The following MIEF1 variants were observed in gnomAD, a reference collection of about 807,000 sequenced individuals.
MIEF1 encodes mitochondrial dynamics protein MIEF1.
A neutral mutation model predicts 35.1 loss-of-function variants in MIEF1; 14 were observed. The observed-to-expected ratio is 0.40, with a 90% CI of 0.26 to 0.62. The LOEUF (loss-of-function observed/expected upper bound fraction) is 0.62, where lower values mean the gene tolerates loss of function less well. Among genes scored for constraint, MIEF1 ranks in the 20% least tolerant of loss-of-function variants. MIEF1 has a pLI of 0.43. For missense variants in MIEF1, 542 were observed against 615.4 expected (o/e 0.88, Z 1.26); for synonymous variants, 245 against 254.3 (o/e 0.96, Z 0.35).
In MIEF1 at chr22:39,514,030, C is replaced by T. The variant is rs1930521349; in HGVS notation, c.1099C>T (p.Leu367Phe). 2 of 1,613,700 alleles carry T rather than the reference C, an allele frequency of 1.2e-6. No individual in the cohort carries two copies. Among genetic ancestry groups the T allele is most frequent in the Non-Finnish European group, 1.7e-6 (2 of 1,180,054 alleles). ...CTGCCGATCTCTGTGCCTCAAGATC[C>T]TCAAGGCCATATGCAAGTCCACCCC... is the stretch of plus-strand genomic sequence containing the variant. Reference protein sequence around the residue: ...SGCRSLCLKILKAICKSTPAL... With the variant: ...SGCRSLCLKIFKAICKSTPAL... Residue 367 changes from leucine (L) to phenylalanine (F), a missense_variant, in exon 6 of 6, where the codon CTC becomes TTC. By Grantham distance (22) the Leu-to-Phe change is conservative (BLOSUM62 0). Transcript: ENST00000325301.
In MIEF1 at chr22:39,517,971, C is replaced by CT. The variant is rs199694733; in HGVS notation, c.*3651dup. Reference sequence around the variant, plus strand: ...GGTAGATTTGGAATCAGTCACCAGTCTTTCTGTACTGTCTTGGTTAGCTCT... The same window carrying CT: ...GGTAGATTTGGAATCAGTCACCAGTCTTTTCTGTACTGTCTTGGTTAGCTCT... On this transcript the variant is annotated 3_prime_UTR_variant, in exon 6 of 6. Transcript: ENST00000325301. The CT allele has an allele frequency of 0.05, 10,214 of 203,038 alleles. 387 individuals are homozygous for CT. Among genetic ancestry groups the CT allele is most frequent in the Non-Finnish European group, 0.074 (7,183 of 97,654 alleles). 12.6% of individuals were successfully genotyped at this position (203,038 alleles called of 1,614,324 possible). A position where few individuals can be genotyped will look rare whatever the true frequency, so the allele number is the denominator to read the frequency against.
Position 39,514,392 on chromosome 22 carries a change from C to T in MIEF1, c.*69C>T, listed in dbSNP as rs912033199. ...TTCTCCGTTAGATACACTTGGCTAC[C>T]TAGTTGGTGCCTCACAGGGTTCCTG... On this transcript the variant is annotated 3_prime_UTR_variant, in exon 6 of 6. Transcript: ENST00000325301. 1.3e-6 allele frequency: 2 copies of T among 1,509,142 alleles called. No homozygotes were observed. Among genetic ancestry groups the T allele is most frequent in the African/African-American group, 2.7e-5 (2 of 72,958 alleles). The allele number at this position is 1,509,142 out of a possible 1,614,324, so 93.5% of individuals were successfully genotyped here.
Position 39,504,300 on chromosome 22 carries a change from C to T in MIEF1, c.-242C>T, listed in dbSNP as rs544482793. Reference sequence around the variant, plus strand: ...TCTGTTGCGCCAGGGCCGACAGCTTCGCTACACTGATCGAGACTTCTACTT... The same window carrying T: ...TCTGTTGCGCCAGGGCCGACAGCTTTGCTACACTGATCGAGACTTCTACTT... On this transcript the variant is annotated 5_prime_UTR_variant, in exon 2 of 6. Coordinates refer to ENST00000325301, the MANE Select transcript of MIEF1 (RefSeq NM_019008.6). The T allele has an allele frequency of 6.3e-5, 25 of 399,094 alleles. No homozygotes were observed. In the South Asian group the frequency reaches 2.5e-3, roughly 41 times the overall value. The allele number at this position is 399,094 out of a possible 1,614,324, so 24.7% of individuals were successfully genotyped here. A position where few individuals can be genotyped will look rare whatever the true frequency, so the allele number is the denominator to read the frequency against.
rs1930758051 is a variant in MIEF1, at chr22:39,517,834, AC to A, written c.*3513del. 1.1e-5 allele frequency: 3 copies of A among 284,356 alleles called. No homozygotes were observed. Among genetic ancestry groups the A allele is most frequent in the South Asian group, 3.0e-5 (1 of 33,454 alleles). The allele number at this position is 284,356 out of a possible 1,614,324, so 17.6% of individuals were successfully genotyped here. On this transcript the variant is annotated 3_prime_UTR_variant, in exon 6 of 6. Transcript: ENST00000325301. ...ATGGTCAAATGCACAGTAGGTGTTT[AC>A]CTTTACATTTGGATCACCTTGTAGT...
At position 39,512,345 on chromosome 22, in the gene MIEF1, C is replaced by T. The variant is rs778124994; in HGVS notation, c.436C>T (p.Arg146Trp). Residue 146 changes from arginine to tryptophan, a missense_variant, in exon 5 of 6, where the codon CGG becomes TGG. By Grantham distance (101) the Arg-to-Trp change is moderately radical. Coordinates refer to ENST00000325301, the MANE Select transcript of MIEF1 (RefSeq NM_019008.6). ...GAAACTTCTTACTTACTACCGGAAC[C>T]GGGCAGCCATCCCTGCTGGAGAGCA... ...QEKLLTYYRN[R>W]AAIPAGEQAR... 2.2e-5 allele frequency: 35 copies of T among 1,614,130 alleles called. No homozygotes were observed. The highest frequency in any genetic ancestry group is 8.9e-5 in the East Asian group (4 of 44,896).
At chr22:39,509,003 T>C (rs1268762124) in intron 2 of MIEF1, among the ~76,000 whole-genome samples, 2 of 152,156 alleles carry the variant, frequency 1.3e-5, no homozygotes, top group Admixed American at 1.3e-4. Context: ...TGATCCTTTT[T>C]TTTTTTTCTT....
rs763056711 is a variant in MIEF1, at chr22:39,511,902, G to A, written c.198G>A (p.Ser66=). 2.2e-5 allele frequency: 36 copies of A among 1,614,182 alleles called. No homozygotes were observed. The highest frequency in any genetic ancestry group is 6.7e-5 in the Admixed American group (4 of 60,022). Residue 66 remains serine (S), a synonymous_variant, in exon 4 of 6, where the codon TCG becomes TCA. Transcript: ENST00000325301. The part of the protein sequence containing the change: ...APTSPTRLSH[S]GKRSWEEPNW... The stretch of plus-strand genomic sequence containing the variant: ...CCAGCCCCACCCGCCTGAGCCATTC[G>A]GGGAAAAGGAGCTGGGAAGAACCCA...
In MIEF1 at chr22:39,515,740, A is replaced by G. The variant is rs975284984; in HGVS notation, c.*1417A>G. On this transcript the variant is annotated 3_prime_UTR_variant, in exon 6 of 6. Transcript: ENST00000325301. ...TTTGTGTTTTTCCCTGTTTGTAGCA[A>G]GACTCTGATGATAATTCTGTTTCTC... The G allele has an allele frequency of 4.5e-5, 9 of 201,922 alleles. No homozygotes were observed. The highest frequency in any genetic ancestry group is 9.1e-5 in the Non-Finnish European group (9 of 99,242). The allele number at this position is 201,922 out of a possible 1,614,324, so 12.5% of individuals were successfully genotyped here.
chr22:39,514,452 C>T lies in MIEF1; in HGVS notation c.*129C>T, dbSNP rs1424491842. 1.2e-6 allele frequency: 1 copy of T among 825,340 alleles called. No individual in the cohort carries two copies. The highest frequency in any genetic ancestry group is 1.7e-5 in the African/African-American group (1 of 58,372). 51.1% of individuals were successfully genotyped at this position (825,340 alleles called of 1,614,324 possible). A position where few individuals can be genotyped will look rare whatever the true frequency, so the allele number is the denominator to read the frequency against. On this transcript the variant is annotated 3_prime_UTR_variant, in exon 6 of 6. Coordinates refer to ENST00000325301, the MANE Select transcript of MIEF1 (RefSeq NM_019008.6). Reference sequence around the variant, plus strand: ...GTCTTGCTGATCATCACCCTGGTCACTTCATGCTGATTAGAATGACATCTC... The same window carrying T: ...GTCTTGCTGATCATCACCCTGGTCATTTCATGCTGATTAGAATGACATCTC...
At position 39,504,229 on chromosome 22, in the gene MIEF1, C is replaced by T. The variant is rs1453822276; in HGVS notation, c.-313C>T. ...GTGACACCCAGCCCCTGCCAGTCCC[C>T]CATGGCCCCGTGGAGCCGAGAGGCG... is the stretch of plus-strand genomic sequence containing the variant. On this transcript the variant is annotated 5_prime_UTR_variant, in exon 2 of 6. Coordinates refer to ENST00000325301, the MANE Select transcript of MIEF1 (RefSeq NM_019008.6). The T allele has an allele frequency of 5.0e-6, 2 of 399,368 alleles. No individual in the cohort carries two copies. Among genetic ancestry groups the T allele is most frequent in the Non-Finnish European group, 4.4e-6 (1 of 226,408 alleles). 24.7% of individuals were successfully genotyped at this position (399,368 alleles called of 1,614,324 possible).
intron 2 of MIEF1, among the ~76,000 whole-genome samples, chr22:39,505,045 T>C (rs1024617857): frequency 2.6e-5 from 4 of 151,584 alleles, no homozygotes; most frequent in Non-Finnish European, 5.9e-5. Flanking sequence ...ATACAAAAAA[T>C]TAGGCGGGCA....
intron 2 of MIEF1, among the ~76,000 whole-genome samples, chr22:39,506,868 A>G (rs1601744402): frequency 6.6e-6 from 1 of 152,284 alleles, no homozygotes; most frequent in Admixed American, 6.5e-5. Context: ...TATTTTAACC[A>G]TCTTAACCAT....
Position 39,507,392 on chromosome 22 carries a change from C to T in MIEF1, c.-8+2858C>T, listed in dbSNP as rs145213544. On this transcript the variant is annotated intron_variant, in intron 2 of 5. Coordinates refer to ENST00000325301, the MANE Select transcript of MIEF1 (RefSeq NM_019008.6). ...TCCCGAGTAGCTGGGACTACAGGCG[C>T]CTGCCACCACACCTGGCTAATTTTT... Among the ~76,000 whole-genome samples, 700 of 151,898 alleles carry T rather than the reference C, an allele frequency of 4.6e-3. 5 individuals carry two copies. The highest frequency in any genetic ancestry group is 0.016 in the African/African-American group (648 of 41,458).
chr22:39,514,111 C>T lies in MIEF1; in HGVS notation c.1180C>T (p.Gln394Ter). 6.2e-7 allele frequency: 1 copy of T among 1,614,242 alleles called. No homozygotes were observed. Among genetic ancestry groups the T allele is most frequent in the Non-Finnish European group, 8.5e-7 (1 of 1,180,046 alleles). Residue 394 changes from glutamine (Q) to a stop codon, truncating the protein, a stop_gained, in exon 6 of 6, where the codon CAG (glutamine) becomes TAG (stop). Transcript: ENST00000325301. LOFTEE classifies it high-confidence loss of function. ...QLTNVILHLA[Q>*]EEADWSPDML... The stretch of plus-strand genomic sequence containing the variant: ...AACCAATGTCATCCTCCACTTGGCC[C>T]AGGAGGAGGCTGACTGGTCTCCGGA...
At chr22:39,507,400 C>T (rs1333317339) in intron 2 of MIEF1, among the ~76,000 whole-genome samples, 1 of 151,828 alleles carries the variant, frequency 6.6e-6, no homozygotes, top group East Asian at 2.0e-4. Flanking sequence ...CGCCTGCCAC[C>T]ACACCTGGCT....
Position 39,513,922 on chromosome 22 carries a change from G to T in MIEF1, c.991G>T (p.Ala331Ser), listed in dbSNP as rs559558267. The change falls in exon 6 of 6, where the codon GCC (alanine) becomes TCC (serine). Residue 331 changes from alanine to serine, a missense_variant. Coordinates refer to ENST00000325301, the MANE Select transcript of MIEF1 (RefSeq NM_019008.6). ...CTTGGTGGCCAAACCACACCGGCTA[G>T]CCCAGTATGACAACCTGTGGCGGCT... ...TVLVAKPHRL[A>S]QYDNLWRLSL... 3 of 1,613,598 alleles carry T rather than the reference G, an allele frequency of 1.9e-6. No individual in the cohort carries two copies. In the East Asian group the frequency reaches 6.7e-5, roughly 36 times the overall value.
chr22:39,504,195 G>C lies in MIEF1; in HGVS notation c.-339-8G>C, dbSNP rs1929896229. The stretch of plus-strand genomic sequence containing the variant: ...ACTAGGCTTGTATGTCTTTCCTTCT[G>C]TTTATAGTGTGACACCCAGCCCCTG... On this transcript the variant is annotated splice_polypyrimidine_tract_variant and splice_region_variant and intron_variant, in intron 1 of 5. Coordinates refer to ENST00000325301, the MANE Select transcript of MIEF1 (RefSeq NM_019008.6). 2.5e-6 allele frequency: 1 copy of C among 398,986 alleles called. No individual in the cohort carries two copies. Among genetic ancestry groups the C allele is most frequent in the Non-Finnish European group, 4.4e-6 (1 of 226,148 alleles). The allele number at this position is 398,986 out of a possible 1,614,324, so 24.7% of individuals were successfully genotyped here. A position where few individuals can be genotyped will look rare whatever the true frequency, so the allele number is the denominator to read the frequency against.
intron 2 of MIEF1, chr22:39,509,293 A>G: frequency 6.6e-6 from 1 of 152,260 alleles, no homozygotes; most frequent in East Asian, 1.9e-4. Flanking sequence ...GGGACGCTAA[A>G]TGGTATCCGA....
Position 39,512,268 on chromosome 22 carries a change from G to C in MIEF1, c.359G>C (p.Arg120Thr). The C allele has an allele frequency of 6.2e-7, 1 of 1,613,922 alleles. No homozygotes were observed. ...FCPPRPKPVA[R>T]KGQVDLKKSR... Reference sequence around the variant, plus strand: ...CCGCCCCGGCCCAAGCCAGTGGCCAGGAAGGGCCAGGTAGACTTGAAGAAG... The same window carrying C: ...CCGCCCCGGCCCAAGCCAGTGGCCACGAAGGGCCAGGTAGACTTGAAGAAG... The change falls in exon 5 of 6, where the codon AGG becomes ACG. Residue 120 changes from arginine (R) to threonine (T), a missense_variant. By Grantham distance (71) the Arg-to-Thr change is moderately conservative. Coordinates refer to ENST00000325301, the MANE Select transcript of MIEF1 (RefSeq NM_019008.6).
Sources: allele counts gnomAD v4.1 joint callset (sites outside exome capture counted in the v4.1 genomes callset), GRCh38; gene constraint gnomAD v4.1.1; transcripts MANE v1.5; gene names NCBI Gene and HGNC (gene_info 2026-07-23, HGNC 2026-07-21).